The following POM121C variants were observed in gnomAD, a reference collection of about 807,000 sequenced individuals.
The protein encoded by POM121C is POM121 transmembrane nucleoporin C, also known as nuclear envelope pore membrane protein POM 121C.
Under a neutral mutation model 66.4 loss-of-function variants are expected in POM121C, and 20 were observed. That is an observed-to-expected ratio of 0.30 (90% CI 0.21 to 0.44). The LOEUF (loss-of-function observed/expected upper bound fraction) is 0.44. POM121C is among the 20% of genes least tolerant of loss of function. The probability of loss-of-function intolerance (pLI) is 1.00; values close to 1 mark genes in which losing one functional copy is unlikely to be tolerated. For missense variants in POM121C, 580 were observed against 1,225.7 expected, an observed-to-expected ratio of 0.47 and a Z score of 7.87; for synonymous variants, 286 against 528.0, an observed-to-expected ratio of 0.54 and a Z score of 6.28.
Position 75,422,102 on chromosome 7 carries a change from G to A in POM121C, c.2150C>T (p.Ala717Val). 1 of 1,603,286 alleles carries A rather than the reference G, an allele frequency of 6.2e-7. No homozygotes were observed. The highest frequency in any genetic ancestry group is 8.5e-7 in the Non-Finnish European group (1 of 1,173,054). Reference protein sequence around the residue: ...FGAAEGQPPGAAKPALTPSFG... With the variant: ...FGAAEGQPPGVAKPALTPSFG... ...GCTGGGGGTAAGGGCTGGCTTGGCG[G>A]CCCCCGGTGGCTGCCCCTCAGCGGC... is the stretch of plus-strand genomic sequence containing the variant. Residue 717 changes from alanine (A) to valine (V), a missense_variant, in exon 13 of 15, where the codon GCC becomes GTC. By Grantham distance (64) the Ala-to-Val change is moderately conservative. Coordinates refer to ENST00000615331, the MANE Select transcript of POM121C (RefSeq NM_001099415.3).
At chr7:75,452,699 T>C (rs1213177158) in intron 3 of POM121C, among the ~76,000 whole-genome samples, 1 of 152,164 alleles carries the variant, frequency 6.6e-6, no homozygotes, top group Non-Finnish European at 1.5e-5. Flanking sequence ...AGGGAAGAAC[T>C]GTCCTGAAGG....
intron 3 of POM121C, among the ~76,000 whole-genome samples, chr7:75,458,525 C>T (rs1791328465): frequency 2.0e-5 from 3 of 152,054 alleles, no homozygotes; most frequent in East Asian, 1.9e-4. Flanking sequence ...AAGACCCTGT[C>T]TCCAAACAAC....
intron 3 of POM121C, among the ~76,000 whole-genome samples, chr7:75,468,267 T>A (rs1299812578): frequency 2.1e-5 from 3 of 145,026 alleles, no homozygotes; most frequent in Non-Finnish European, 4.5e-5. Context: ...AGGTATCTCA[T>A]CCCGTTTCTT....
chr7:75,420,704 A>C (rs1554470485), intron 13 of POM121C: 1 of 152,242 alleles, frequency 6.6e-6, no homozygotes, highest in Non-Finnish European at 1.5e-5. Flanking sequence ...TTCATCTTCC[A>C]CACGGGAGGA....
intron 3 of POM121C, among the ~76,000 whole-genome samples, chr7:75,469,942 A>G (rs1791806863): frequency 6.6e-6 from 1 of 152,118 alleles, no homozygotes; most frequent in Non-Finnish European, 1.5e-5. Flanking sequence ...AATTGTCACC[A>G]TTTGACACAT....
chr7:75,442,791 C>T, intron 3 of POM121C: 1 of 1,271,932 alleles, frequency 7.9e-7, no homozygotes, highest in Non-Finnish European at 9.9e-7. Context: ...TCATCGCGCG[C>T]CCGCCACGTC....
chr7:75,460,167 A>G lies in POM121C; in HGVS notation c.-152+14537T>C, dbSNP rs587619352. ...AAATATAAATCTTCTAAACACAGCA[A>G]TCAAAAAGGTTGTTGGAATCTGTTT... On this transcript the variant is annotated intron_variant, in intron 3 of 14. Coordinates refer to ENST00000615331, the MANE Select transcript of POM121C (RefSeq NM_001099415.3). Among the ~76,000 whole-genome samples, 524 of 145,172 alleles carry G rather than the reference A, an allele frequency of 3.6e-3. 3 individuals carry two copies. Among genetic ancestry groups the G allele is most frequent in the Non-Finnish European group, 5.7e-3 (384 of 67,578 alleles).
intron 3 of POM121C, among the ~76,000 whole-genome samples, chr7:75,454,367 T>C (rs1395254287): frequency 6.6e-6 from 1 of 152,226 alleles, no homozygotes; most frequent in Non-Finnish European, 1.5e-5. Flanking sequence ...GAGGAATCAA[T>C]GAGACTGGAT....
At chr7:75,476,719 G>GCCAC (rs1792093483) in intron 1 of POM121C, among the ~76,000 whole-genome samples, 1 of 151,904 alleles carries the variant, frequency 6.6e-6, no homozygotes, top group Non-Finnish European at 1.5e-5. Context: ...AAAATTACAT[G>GCCAC]TCAATACCAC....
In POM121C at chr7:75,440,989, G is replaced by T. The variant is rs782695683; in HGVS notation, c.192C>A (p.Asp64Glu). Residue 64 changes from aspartate (D) to glutamate (E), a missense_variant, in exon 5 of 15, where the codon GAC becomes GAA. By Grantham distance (45) the Asp-to-Glu change is conservative. Transcript: ENST00000615331. Reference sequence around the variant, plus strand: ...TTTCCTGGCCATCAAGGAATATTTGGTCTTCTTCCTCCACTGTCCTTTTCT... The same window carrying T: ...TTTCCTGGCCATCAAGGAATATTTGTTCTTCTTCCTCCACTGTCCTTTTCT... ...KKKKRTVEEEDQIFLDGQENK... is the reference protein window; with the variant it reads ...KKKKRTVEEEEQIFLDGQENK... The T allele has an allele frequency of 2.0e-5, 33 of 1,613,928 alleles. No individual in the cohort carries two copies. The highest frequency in any genetic ancestry group is 2.7e-5 in the Non-Finnish European group (32 of 1,179,848).
chr7:75,426,797 C>CAAA (rs543569250), intron 7 of POM121C, among the ~76,000 whole-genome samples: 33 of 61,056 alleles, frequency 5.4e-4, no homozygotes, highest in East Asian at 1.6e-3. Flanking sequence ...GACCCTGTCT[C>CAAA]AAAAAAAAAA....
At chr7:75,450,432 G>A (rs1790984435) in intron 3 of POM121C, among the ~76,000 whole-genome samples, 1 of 152,206 alleles carries the variant, frequency 6.6e-6, no homozygotes, top group Admixed American at 6.5e-5. Context: ...CACGGGCTTT[G>A]CCCAGGGCAG....
chr7:75,446,444 C>CA, intron 3 of POM121C, among the ~76,000 whole-genome samples: 1 of 149,116 alleles, frequency 6.7e-6, no homozygotes, highest in African/African-American at 2.5e-5. Context: ...CTCAGCCTCT[C>CA]AAAGTACTGG....
At chr7:75,477,941 C>T (rs1792152900) in intron 1 of POM121C, among the ~76,000 whole-genome samples, 1 of 152,016 alleles carries the variant, frequency 6.6e-6, no homozygotes, top group Non-Finnish European at 1.5e-5. Flanking sequence ...TATACGAAAG[C>T]AATGATTTGT....
At chr7:75,464,856 C>CAAAAAAAAAAAAA (rs35562594) in intron 3 of POM121C, among the ~76,000 whole-genome samples, 1 of 28,782 alleles carries the variant, frequency 3.5e-5, no homozygotes. Flanking sequence ...AACTCCATCT[C>CAAAAAAAAAAAAA]AAAAAAAAAA....
At chr7:75,449,947 G>A (rs1467428009) in intron 3 of POM121C, among the ~76,000 whole-genome samples, 1 of 152,144 alleles carries the variant, frequency 6.6e-6, no homozygotes, top group Non-Finnish European at 1.5e-5. Context: ...CCCAGGAGGT[G>A]GAGGTTGAGT....
At chr7:75,448,170 G>A (rs1315237334) in intron 3 of POM121C, among the ~76,000 whole-genome samples, 2 of 152,092 alleles carry the variant, frequency 1.3e-5, no homozygotes, top group East Asian at 1.9e-4. Context: ...CTGGGAGGTC[G>A]AGGCTCCAGT....
chr7:75,482,309 C>T (rs1792335483), intron 1 of POM121C, among the ~76,000 whole-genome samples: 1 of 152,150 alleles, frequency 6.6e-6, no homozygotes, highest in Non-Finnish European at 1.5e-5. Context: ...GGTGTGGTGG[C>T]TTACACCTGT....
At chr7:75,441,801 T>C (rs1296341992) in intron 3 of POM121C, among the ~76,000 whole-genome samples, 154 bp from the exon 4 acceptor site, 17 of 152,230 alleles carry the variant, frequency 1.1e-4, no homozygotes, top group Non-Finnish European at 1.9e-4. Flanking sequence ...AACTTTCCCC[T>C]ATTCCATCTA....
Sources: allele counts gnomAD v4.1 joint callset (sites outside exome capture counted in the v4.1 genomes callset), GRCh38; gene constraint gnomAD v4.1.1; transcripts MANE v1.5; gene names NCBI Gene and HGNC (gene_info 2026-07-23, HGNC 2026-07-21).